The following KIF27 variants were observed in gnomAD, a reference collection of about 807,000 sequenced individuals.
The protein encoded by KIF27 is kinesin family member 27.
KIF27 carries 84 observed loss-of-function variants against 141.8 expected under a neutral mutation model. The ratio of observed to expected loss-of-function variants is 0.59; its 90% confidence interval spans 0.50 to 0.71. The LOEUF is 0.71. Ranked by LOEUF, KIF27 falls within the 30% of genes least tolerant of loss-of-function variation. The pLI, the probability that KIF27 is intolerant of heterozygous loss-of-function variation, is 0.00. For missense variants in KIF27, 1,306 were observed against 1,628.4 expected (o/e 0.80, Z 3.41); for synonymous variants, 471 against 569.5 (o/e 0.83, Z 2.46).
chr9:83,904,822 A>AAG (rs1264264502), intron 3 of KIF27, among the ~76,000 whole-genome samples: 1 of 151,464 alleles, frequency 6.6e-6, no homozygotes, highest in East Asian at 1.9e-4. Context: ...GTTTTTTGGT[A>AAG]TCGTGAGGTC....
chr9:83,861,460 G>A (rs924889697), intron 13 of KIF27, among the ~76,000 whole-genome samples: 10 of 151,886 alleles, frequency 6.6e-5, no homozygotes, highest in African/African-American at 2.4e-4. Context: ...ATAGTTTGCT[G>A]AGAATGATGG....
chr9:83,876,414 G>A (rs1951206287), intron 11 of KIF27, among the ~76,000 whole-genome samples: 1 of 152,188 alleles, frequency 6.6e-6, no homozygotes, highest in Non-Finnish European at 1.5e-5. Flanking sequence ...AGAAATTAAT[G>A]AAGACCTAAA....
At chr9:83,905,808 T>C (rs1954459425) in intron 3 of KIF27, among the ~76,000 whole-genome samples, 1 of 152,182 alleles carries the variant, frequency 6.6e-6, no homozygotes. Flanking sequence ...ATCAGTATTT[T>C]TAAAAAGCTT....
At chr9:83,838,974 A>G (rs1946244660) in intron 17 of KIF27, among the ~76,000 whole-genome samples, 1 of 152,182 alleles carries the variant, frequency 6.6e-6, no homozygotes, top group Admixed American at 6.5e-5. Context: ...TCTGCAGTAC[A>G]TCAGAGTCAC....
intron 15 of KIF27, among the ~76,000 whole-genome samples, chr9:83,850,601 T>TA (rs1241640097): frequency 1.3e-5 from 2 of 151,536 alleles, no homozygotes; most frequent in African/African-American, 2.4e-5. Context: ...ACCAACATAG[T>TA]AAAACCCCGT....
In KIF27 at chr9:83,842,398, T is replaced by G; in HGVS notation, c.3560A>C (p.Gln1187Pro). The G allele has an allele frequency of 6.7e-7, 1 of 1,488,680 alleles. No homozygotes were observed. Among genetic ancestry groups the G allele is most frequent in the Non-Finnish European group, 8.9e-7 (1 of 1,119,534 alleles). The allele number at this position is 1,488,680 out of a possible 1,614,324, so 92.2% of individuals were successfully genotyped here. Reference protein sequence around the residue: ...MQLLLHHFKEQDGEGIMETFK... With the variant: ...MQLLLHHFKEPDGEGIMETFK... ...AGTTTCCATAATGCCTTCTCCATCT[T>G]GTTCTATACAACAAAAATTTGCATT... is the stretch of plus-strand genomic sequence containing the variant. Residue 1187 changes from glutamine (Q) to proline (P), a missense_variant, in exon 17 of 18, where the codon CAA (glutamine) becomes CCA (proline). Around this residue, in one of 4 missense-constraint regions of KIF27, gnomAD observed 596 missense variants for 751.6 expected, o/e 0.79. Coordinates refer to ENST00000297814, the MANE Select transcript of KIF27 (RefSeq NM_017576.4).
intron 1 of KIF27, among the ~76,000 whole-genome samples, chr9:83,918,917 A>T (rs1030167975): frequency 6.6e-6 from 1 of 152,150 alleles, no homozygotes; most frequent in Non-Finnish European, 1.5e-5. Context: ...CCTTACTAAA[A>T]ATACAAAAAT....
At chr9:83,882,592 G>A (rs1292565623) in intron 10 of KIF27, among the ~76,000 whole-genome samples, 3 of 152,180 alleles carry the variant, frequency 2.0e-5, no homozygotes, top group South Asian at 2.1e-4. Flanking sequence ...ATCCCCATGA[G>A]TAGTGCATGG....
At chr9:83,859,065 G>C (rs1231685371) in intron 14 of KIF27, 91 bp downstream of exon 14, 7 of 982,856 alleles carry the variant, frequency 7.1e-6, no homozygotes, top group Non-Finnish European at 1.1e-5. Flanking sequence ...AAGTTTACCA[G>C]ATAATATTTA....
chr9:83,903,597 T>C lies in KIF27; in HGVS notation c.921A>G (p.Gly307=). Residue 307 remains glycine, a synonymous_variant, in exon 4 of 18, where the codon GGA becomes GGG. Coordinates refer to ENST00000297814, the MANE Select transcript of KIF27 (RefSeq NM_017576.4). ...KITRLLKDSL[G]GSAKTVMITC... is the part of the protein sequence containing the mutation. ...TGATCATGACAGTCTTAGCACTGCC[T>C]CCCAGAGAATCTTTCAGAAGCCGGG... 1 of 1,614,150 alleles carries C rather than the reference T, an allele frequency of 6.2e-7. No individual in the cohort carries two copies. The highest frequency in any genetic ancestry group is 8.5e-7 in the Non-Finnish European group (1 of 1,180,024).
At chr9:83,882,554 T>G (rs960296329) in intron 10 of KIF27, among the ~76,000 whole-genome samples, 1 of 152,218 alleles carries the variant, frequency 6.6e-6, no homozygotes, top group African/African-American at 2.4e-5. Flanking sequence ...TGGTAACTAC[T>G]GTCCTCCTCA....
chr9:83,888,558 A>C lies in KIF27; in HGVS notation c.2014T>G (p.Ser672Ala). 6.3e-7 allele frequency: 1 copy of C among 1,599,718 alleles called. No homozygotes were observed. Among genetic ancestry groups the C allele is most frequent in the Non-Finnish European group, 8.5e-7 (1 of 1,172,316 alleles). The change falls in exon 8 of 18, where the codon TCT becomes GCT. Residue 672 changes from serine to alanine, a missense_variant. Physicochemically the swap from Ser to Ala is moderately conservative, Grantham distance 99. Transcript: ENST00000297814. ...CTCAATTCAACAAGGGAACAAACAG[A>C]GTCTGGCTTCTGAATCCATGAACGA... ...RSRSWIQKPD[S>A]VCSLVELSDT... is the part of the protein sequence containing the mutation.
At chr9:83,852,937 T>C (rs1948779315) in intron 15 of KIF27, among the ~76,000 whole-genome samples, 1 of 152,174 alleles carries the variant, frequency 6.6e-6, no homozygotes, top group Admixed American at 6.6e-5. Flanking sequence ...CAGTGTTTTA[T>C]TTTTCATTAA....
At chr9:83,854,701 C>T (rs1188448916) in intron 14 of KIF27, among the ~76,000 whole-genome samples, 2 of 152,092 alleles carry the variant, frequency 1.3e-5, no homozygotes, top group Admixed American at 1.3e-4. Flanking sequence ...ATGCCCAGCT[C>T]TTCCAGTTCT....
chr9:83,875,945 T>C (rs1018989267), intron 11 of KIF27, among the ~76,000 whole-genome samples: 30 of 151,764 alleles, frequency 2.0e-4, no homozygotes, highest in African/African-American at 7.3e-4. Context: ...GGGAAAAAGG[T>C]TGAAGGAGGA....
Position 83,859,177 on chromosome 9 carries a change from A to G in KIF27, c.3129T>C (p.Asn1043=), listed in dbSNP as rs1229730748. 1 of 1,613,358 alleles carries G rather than the reference A, an allele frequency of 6.2e-7. No homozygotes were observed. The highest frequency in any genetic ancestry group is 8.5e-7 in the Non-Finnish European group (1 of 1,179,384). ...TTACTTCAGGTGATAACACTCTACC[A>G]TTTTTAAGTTTTTCATCCACATTGT... The part of the protein sequence containing the change: ...RRHNVDEKLK[N]GRVLSPEEEH... The change falls in exon 14 of 18, where the codon AAT becomes AAC. Residue 1043 remains asparagine (N), a synonymous_variant. Coordinates refer to ENST00000297814, the MANE Select transcript of KIF27 (RefSeq NM_017576.4).
At position 83,908,663 on chromosome 9, in the gene KIF27, A is replaced by C. The variant is rs775343720; in HGVS notation, c.299-11T>G. Reference sequence around the variant, plus strand: ...CCTCCACAACTGAAGCTGAAAATTTAGAAAAAGAAAGCACATCTGGAACTT... The same window carrying C: ...CCTCCACAACTGAAGCTGAAAATTTCGAAAAAGAAAGCACATCTGGAACTT... On this transcript the variant is annotated splice_polypyrimidine_tract_variant and intron_variant, in intron 2 of 17. Transcript: ENST00000297814. 1 of 1,552,032 alleles carries C rather than the reference A, an allele frequency of 6.4e-7. No homozygotes were observed. Among genetic ancestry groups the C allele is most frequent in the African/African-American group, 1.4e-5 (1 of 72,808 alleles).
rs1341746414 is a variant in KIF27 at position 83,903,586 on chromosome 9, T to C, written c.932A>G (p.Lys311Arg). 6.2e-7 allele frequency: 1 copy of C among 1,614,180 alleles called. No homozygotes were observed. Among genetic ancestry groups the C allele is most frequent in the East Asian group, 2.2e-5 (1 of 44,882 alleles). The change falls in exon 4 of 18, where the codon AAG becomes AGG. Residue 311 changes from lysine (K) to arginine (R), a missense_variant. This residue lies in a region of KIF27 where 533 missense variants were observed against 565.6 expected (regional missense o/e 0.94). Coordinates refer to ENST00000297814, the MANE Select transcript of KIF27 (RefSeq NM_017576.4). ...GCTGACACATGTGATCATGACAGTC[T>C]TAGCACTGCCTCCCAGAGAATCTTT... is the stretch of plus-strand genomic sequence containing the variant. The part of the protein sequence containing the change: ...LLKDSLGGSA[K>R]TVMITCVSPS...
At chr9:83,839,254 T>C (rs1587851525) in intron 17 of KIF27, among the ~76,000 whole-genome samples, 1 of 152,170 alleles carries the variant, frequency 6.6e-6, no homozygotes, top group Admixed American at 6.5e-5. Context: ...AAGAGTCTCA[T>C]TGTTGAGGCT....
Sources: gnomAD v4.1 joint callset for allele counts (sites outside exome capture counted in the v4.1 genomes callset) on GRCh38, gnomAD v4.1.1 for gene constraint, gnomAD v4.1.1 regional missense constraint, MANE v1.5 for transcripts, NCBI Gene and HGNC (gene_info 2026-07-23, HGNC 2026-07-21) for gene names.